The following THEMIS variants were observed in gnomAD, a reference collection of about 807,000 sequenced individuals.
THEMIS encodes thymocyte selection associated, also known as protein THEMIS.
THEMIS carries 37 observed loss-of-function variants against 52.6 expected under a neutral mutation model. That is an observed-to-expected ratio of 0.70 (90% CI 0.54 to 0.93). The LOEUF is 0.93. Ranked by LOEUF, THEMIS falls within the 40% of genes least tolerant of loss-of-function variation. The probability of loss-of-function intolerance (pLI) is 0.00; values close to 1 mark genes in which losing one functional copy is unlikely to be tolerated. For synonymous variants in THEMIS, 292 were observed against 272.7 expected, an observed-to-expected ratio of 1.07 and a Z score of -0.70; for missense variants, 808 against 763.1, an observed-to-expected ratio of 1.06 and a Z score of -0.69.
At chr6:127,742,321 A>AAAAAAAAACAAAC (rs1775231195) in intron 4 of THEMIS, among the ~76,000 whole-genome samples, 1 of 150,210 alleles carries the variant, frequency 6.7e-6, no homozygotes, top group African/African-American at 2.4e-5. Context: ...CTTAAAAAAA[A>AAAAAAAAACAAAC]AAAAAAACAA....
intron 4 of THEMIS, among the ~76,000 whole-genome samples, chr6:127,792,844 C>A (rs1777203902): frequency 6.6e-6 from 1 of 152,196 alleles, no homozygotes. Flanking sequence ...AATGAGAAAG[C>A]ACTTCTGTGA....
chr6:127,787,781 AGT>A (rs753673465), intron 4 of THEMIS, among the ~76,000 whole-genome samples: 3 of 151,322 alleles, frequency 2.0e-5, no homozygotes, highest in Non-Finnish European at 2.9e-5. Context: ...TAAGCTAAAA[AGT>A]CAGCCTGCCA....
Position 127,840,965 on chromosome 6 carries a change from G to A in THEMIS, c.251-11031C>T, listed in dbSNP as rs541277740. ...AGAGGAGAGAGGGGAATGAGTAGGC[G>A]GAGCACAAAGGATTTTTAGGGTGGT... On this transcript the variant is annotated intron_variant, in intron 2 of 5. Transcript: ENST00000368248. 1.6e-4 allele frequency among the ~76,000 whole-genome samples: 24 copies of A among 152,092 alleles called. No individual in the cohort carries two copies. In the South Asian group the frequency reaches 2.1e-3, roughly 13 times the overall value.
chr6:127,907,955 T>G (rs112938735), intron 1 of THEMIS, among the ~76,000 whole-genome samples: 2,674 of 152,162 alleles, frequency 0.018, 86 homozygotes, highest in African/African-American at 0.06. Context: ...GAATATGAAT[T>G]ATTTTAATAA....
chr6:127,859,181 C>G (rs1157876439), intron 1 of THEMIS, among the ~76,000 whole-genome samples: 1 of 152,076 alleles, frequency 6.6e-6, no homozygotes, highest in Non-Finnish European at 1.5e-5. Flanking sequence ...CCTACCACCC[C>G]CTGCCACTAC....
At chr6:127,814,205 C>T (rs1430835235) in intron 3 of THEMIS, among the ~76,000 whole-genome samples, 1 of 152,220 alleles carries the variant, frequency 6.6e-6, no homozygotes, top group African/African-American at 2.4e-5. Flanking sequence ...ATCATATCCT[C>T]ACTTCTACTG....
At chr6:127,803,523 T>G (rs150507751) in intron 4 of THEMIS, among the ~76,000 whole-genome samples, 1 of 152,306 alleles carries the variant, frequency 6.6e-6, no homozygotes, top group African/African-American at 2.4e-5. Context: ...AAGAGAAGAC[T>G]TCATATTCTC....
chr6:127,878,520 G>T (rs1166482005), intron 1 of THEMIS, among the ~76,000 whole-genome samples: 2 of 152,044 alleles, frequency 1.3e-5, no homozygotes, highest in Admixed American at 6.6e-5. Flanking sequence ...TAGGCCTTCA[G>T]GTTTATGGGG....
chr6:127,744,671 T>G lies in THEMIS; in HGVS notation c.1759-24848A>C, dbSNP rs1162146681. Reference sequence around the variant, plus strand: ...AAAAAGAATACTGATTGCAAGGGGATAAGAGGAGACATGAGGTGTTCTTGT... The same window carrying G: ...AAAAAGAATACTGATTGCAAGGGGAGAAGAGGAGACATGAGGTGTTCTTGT... On this transcript the variant is annotated intron_variant, in intron 4 of 5. Transcript: ENST00000368248. Among the ~76,000 whole-genome samples, 5 of 151,948 alleles carry G rather than the reference T, an allele frequency of 3.3e-5. No homozygotes were observed. In the East Asian group the frequency reaches 9.6e-4, roughly 29 times the overall value.
chr6:127,859,522 TG>T (rs1779726466), intron 1 of THEMIS, among the ~76,000 whole-genome samples: 2 of 152,142 alleles, frequency 1.3e-5, no homozygotes, highest in African/African-American at 4.8e-5. Flanking sequence ...GATTAGTGAA[TG>T]TTGTTATAAT....
At chr6:127,828,220 A>G (rs1409321985) in intron 3 of THEMIS, among the ~76,000 whole-genome samples, 2 of 152,152 alleles carry the variant, frequency 1.3e-5, no homozygotes, top group African/African-American at 2.4e-5. Context: ...TAGGCAGGAG[A>G]TGCCAATAGT....
chr6:127,897,498 C>T (rs1415228345), intron 1 of THEMIS, among the ~76,000 whole-genome samples: 1 of 151,262 alleles, frequency 6.6e-6, no homozygotes, highest in South Asian at 2.1e-4. Flanking sequence ...TAAACCACCT[C>T]TGCAAAAAAG....
chr6:127,905,190 A>T (rs932555272), upstream of THEMIS, among the ~76,000 whole-genome samples: 1 of 152,086 alleles, frequency 6.6e-6, no homozygotes, highest in Non-Finnish European at 1.5e-5. Context: ...AAGGCACACT[A>T]AGGAACATCA....
At chr6:127,894,817 T>C (rs1010015332) in intron 1 of THEMIS, among the ~76,000 whole-genome samples, 1 of 151,490 alleles carries the variant, frequency 6.6e-6, no homozygotes, top group East Asian at 1.9e-4. Flanking sequence ...ATAGCAAAAT[T>C]TATGTAACTC....
chr6:127,888,881 C>A (rs1040249032), intron 1 of THEMIS, among the ~76,000 whole-genome samples: 1 of 152,004 alleles, frequency 6.6e-6, no homozygotes, highest in South Asian at 2.1e-4. Flanking sequence ...ACTTCCCTGA[C>A]ATTATATGAC....
intron 1 of THEMIS, among the ~76,000 whole-genome samples, chr6:127,860,348 A>C (rs1779755287): frequency 6.6e-6 from 1 of 152,166 alleles, no homozygotes. Flanking sequence ...CTAAAGGTAC[A>C]TCTGAGAAAT....
At chr6:127,858,861 T>C (rs1415320771) in intron 1 of THEMIS, among the ~76,000 whole-genome samples, 1 of 152,122 alleles carries the variant, frequency 6.6e-6, no homozygotes, top group Non-Finnish European at 1.5e-5. Context: ...AAGCAGCCTG[T>C]TTTCAGTGAT....
intron 4 of THEMIS, among the ~76,000 whole-genome samples, chr6:127,767,099 GT>G (rs199730234): frequency 4.1e-5 from 6 of 147,692 alleles, no homozygotes; most frequent in African/African-American, 1.2e-4. Flanking sequence ...CTTTTTTTTT[GT>G]TTTTTTTTGG....
chr6:127,849,312 T>C (rs1779337514), intron 2 of THEMIS, among the ~76,000 whole-genome samples: 1 of 152,086 alleles, frequency 6.6e-6, no homozygotes. Flanking sequence ...AGTCCCATGC[T>C]GTTTTGGTTA....
Sources: allele counts gnomAD v4.1 joint callset (sites outside exome capture counted in the v4.1 genomes callset), GRCh38; gene constraint gnomAD v4.1.1; transcripts MANE v1.5; gene names NCBI Gene and HGNC (gene_info 2026-07-23, HGNC 2026-07-21).